ARHGAP10: variants seen among roughly 807,000 people sequenced by gnomAD.
The protein encoded by ARHGAP10 is rho GTPase-activating protein 10.
A neutral mutation model predicts 108.6 loss-of-function variants in ARHGAP10; 87 were observed. The observed-to-expected ratio is 0.80, with a 90% CI of 0.67 to 0.96. The LOEUF is 0.96. ARHGAP10 is among the 40% of genes least tolerant of loss of function. The probability of loss-of-function intolerance (pLI) is 0.00; values close to 1 mark genes in which losing one functional copy is unlikely to be tolerated. For missense variants in ARHGAP10, 939 were observed against 954.5 expected (o/e 0.98, Z 0.21); for synonymous variants, 347 against 341.1 (o/e 1.02, Z -0.19).
intron 16 of ARHGAP10, among the ~76,000 whole-genome samples, chr4:147,956,456 C>T (rs543358758): frequency 3.3e-5 from 5 of 152,148 alleles, no homozygotes; most frequent in South Asian, 2.1e-4. Context: ...TGGTTCTATT[C>T]GTTTTTGTTT....
intron 18 of ARHGAP10, among the ~76,000 whole-genome samples, chr4:147,998,144 AAG>A (rs1740552946): frequency 6.6e-6 from 1 of 152,170 alleles, no homozygotes; most frequent in South Asian, 2.1e-4. Context: ...TGAATTAGGA[AAG>A]AGAAAAAAAG....
At chr4:147,800,159 G>C (rs1384989756) in intron 1 of ARHGAP10, among the ~76,000 whole-genome samples, 4 of 152,128 alleles carry the variant, frequency 2.6e-5, no homozygotes, top group Admixed American at 2.6e-4. Flanking sequence ...TCCCTAGGCT[G>C]GGCTACTAGG....
At chr4:147,963,186 G>A (rs1396480494) in intron 16 of ARHGAP10, among the ~76,000 whole-genome samples, 1 of 152,170 alleles carries the variant, frequency 6.6e-6, no homozygotes, top group East Asian at 1.9e-4. Flanking sequence ...TTGGCCTCGG[G>A]CTACCTTTCT....
At chr4:147,817,720 G>A (rs1047043299) in intron 1 of ARHGAP10, among the ~76,000 whole-genome samples, 2 of 152,156 alleles carry the variant, frequency 1.3e-5, no homozygotes, top group African/African-American at 4.8e-5. Flanking sequence ...TCATTTGAAG[G>A]GTGCAGGTCA....
Position 147,782,023 on chromosome 4 carries a change from G to A in ARHGAP10, c.155-40704G>A, listed in dbSNP as rs780808135. ...TAAAAAGTCGCTGAATAGTTTTACC[G>A]CTTAGTATGTCTCTTGTGACCTTGC... On this transcript the variant is annotated intron_variant, in intron 1 of 22. Coordinates refer to ENST00000336498, the MANE Select transcript of ARHGAP10 (RefSeq NM_024605.4). 5.3e-5 allele frequency among the ~76,000 whole-genome samples: 8 copies of A among 152,172 alleles called. No homozygotes were observed. The East Asian group carries it at 5.8e-4, about 11-fold the overall frequency.
intron 10 of ARHGAP10, among the ~76,000 whole-genome samples, chr4:147,905,409 A>G (rs1338168106): frequency 7.1e-6 from 1 of 141,518 alleles, no homozygotes; most frequent in Non-Finnish European, 1.5e-5. Context: ...TAATTTTTGT[A>G]TAAGGTGTAA....
chr4:148,025,593 TAAAA>T (rs201428517), intron 19 of ARHGAP10, among the ~76,000 whole-genome samples: 6 of 147,822 alleles, frequency 4.1e-5, no homozygotes, highest in Admixed American at 1.3e-4. Flanking sequence ...TTACATATTC[TAAAA>T]AAAAAAGAAA....
intron 1 of ARHGAP10, among the ~76,000 whole-genome samples, chr4:147,735,419 G>GAACAATA (rs1414596920): frequency 6.6e-6 from 1 of 152,210 alleles, no homozygotes; most frequent in African/African-American, 2.4e-5. Context: ...GAACTCACTG[G>GAACAATA]TGATAAGGAG....
intron 5 of ARHGAP10, among the ~76,000 whole-genome samples, chr4:147,859,989 T>C (rs1734249430): frequency 6.6e-6 from 1 of 152,160 alleles, no homozygotes; most frequent in South Asian, 2.1e-4. Context: ...AAGGGGAAAA[T>C]GTTAGGTTTG....
At chr4:147,978,056 A>G (rs1331669718) in intron 18 of ARHGAP10, among the ~76,000 whole-genome samples, 3 of 151,536 alleles carry the variant, frequency 2.0e-5, no homozygotes, top group Non-Finnish European at 4.4e-5. Context: ...TTCTTTATCC[A>G]CTCCACTATT....
chr4:147,966,124 C>T (rs192668574), intron 17 of ARHGAP10, among the ~76,000 whole-genome samples: 163 of 152,288 alleles, frequency 1.1e-3, no homozygotes, highest in Middle Eastern at 3.4e-3. Flanking sequence ...AAAGGTGCTA[C>T]GCAGTCTAGT....
chr4:147,778,824 A>C (rs371436489), intron 1 of ARHGAP10, among the ~76,000 whole-genome samples: 1 of 152,202 alleles, frequency 6.6e-6, no homozygotes, highest in East Asian at 1.9e-4. Flanking sequence ...ACAGGGAATG[A>C]ATTCTGTTGG....
chr4:147,842,473 G>A (rs1733455824), intron 3 of ARHGAP10, among the ~76,000 whole-genome samples: 1 of 152,036 alleles, frequency 6.6e-6, no homozygotes, highest in South Asian at 2.1e-4. Context: ...TCTACTTTCT[G>A]AGCATTTCCT....
intron 16 of ARHGAP10, among the ~76,000 whole-genome samples, chr4:147,963,722 C>T (rs892986327): frequency 6.6e-5 from 10 of 152,252 alleles, no homozygotes; most frequent in African/African-American, 2.2e-4. Flanking sequence ...GAAATCAAGA[C>T]GTTGGGAGGG....
chr4:148,034,596 C>T (rs6811430), intron 19 of ARHGAP10, among the ~76,000 whole-genome samples: 35,090 of 151,800 alleles, frequency 0.23, 6,280 homozygotes, highest in African/African-American at 0.5. Flanking sequence ...CCCAGAGTGC[C>T]GGGATTACAG....
intron 15 of ARHGAP10, 145 bp from the exon 16 acceptor site, chr4:147,955,170 CT>C: frequency 4.1e-6 from 3 of 735,038 alleles, no homozygotes; most frequent in Admixed American, 2.5e-5. Flanking sequence ...GTTTATGTAT[CT>C]TTTTTGATAT....
intron 4 of ARHGAP10, among the ~76,000 whole-genome samples, chr4:147,847,496 A>G (rs1232714417): frequency 6.6e-6 from 1 of 152,244 alleles, no homozygotes; most frequent in African/African-American, 2.4e-5. Flanking sequence ...ATTTGCTCTG[A>G]ATAGAAGGAG....
chr4:147,750,614 T>TTG (rs1560738221), intron 1 of ARHGAP10, among the ~76,000 whole-genome samples: 3 of 150,228 alleles, frequency 2.0e-5, no homozygotes, highest in African/African-American at 7.3e-5. Context: ...TTTTTTTTTT[T>TTG]GGGGGGGGTT....
At chr4:148,006,201 A>C (rs1740942911) in intron 18 of ARHGAP10, among the ~76,000 whole-genome samples, 1 of 152,200 alleles carries the variant, frequency 6.6e-6, no homozygotes, top group Admixed American at 6.5e-5. Context: ...GCATTGAGGA[A>C]GCCCATGCTC....
Sources: gnomAD v4.1 joint callset for allele counts (sites outside exome capture counted in the v4.1 genomes callset) on GRCh38, gnomAD v4.1.1 for gene constraint, MANE v1.5 for transcripts, NCBI Gene and HGNC (gene_info 2026-07-23, HGNC 2026-07-21) for gene names.